The following SGCZ variants were observed in gnomAD, a reference collection of about 807,000 sequenced individuals.
SGCZ encodes zeta-sarcoglycan.
In SGCZ, 40 loss-of-function variants were observed where a neutral mutation model predicts 41.3. That is an observed-to-expected ratio of 0.97 (90% confidence interval 0.75 to 1.26). The LOEUF is 1.26. SGCZ is among the 50% of genes most tolerant of loss of function. The probability of loss-of-function intolerance (pLI) is 0.00; values close to 1 mark genes in which losing one functional copy is unlikely to be tolerated. For missense variants in SGCZ, 552 were observed against 369.8 expected, an observed-to-expected ratio of 1.49 and a Z score of -4.04; for synonymous variants, 206 against 137.5, an observed-to-expected ratio of 1.50 and a Z score of -3.49.
chr8:15,159,175 T>G (rs760198934), intron 1 of SGCZ, among the ~76,000 whole-genome samples: 1 of 152,036 alleles, frequency 6.6e-6, no homozygotes, highest in Non-Finnish European at 1.5e-5. Flanking sequence ...TCTATAAAAA[T>G]CCAAGAGCAA....
At chr8:14,290,833 T>C (rs983739588) in intron 3 of SGCZ, among the ~76,000 whole-genome samples, 5 of 152,138 alleles carry the variant, frequency 3.3e-5, no homozygotes, top group Non-Finnish European at 2.9e-5. Flanking sequence ...ACCATACCAC[T>C]ACTGCATATA....
chr8:14,758,487 C>T (rs986610048), intron 1 of SGCZ, among the ~76,000 whole-genome samples: 3 of 152,094 alleles, frequency 2.0e-5, no homozygotes, highest in African/African-American at 4.8e-5. Context: ...GACTAACATT[C>T]GAATTGGTTT....
rs568097339 is a variant in SGCZ at position 14,895,822 on chromosome 8, T to C, written c.40-340896A>G. Among the ~76,000 whole-genome samples the C allele has an allele frequency of 1.1e-4, 17 of 152,364 alleles. No individual in the cohort carries two copies. The South Asian group carries it at 3.1e-3, about 28-fold the overall frequency. The stretch of plus-strand genomic sequence containing the variant: ...AGCCTAAGAAGCTTTTTAAAATATC[T>C]AATGCTGAGCCTCACTGCTGGAGAT... On this transcript the variant is annotated intron_variant, in intron 1 of 7. Coordinates refer to ENST00000382080, the MANE Select transcript of SGCZ (RefSeq NM_139167.4).
chr8:15,084,365 C>T (rs1055858346), intron 1 of SGCZ, among the ~76,000 whole-genome samples: 1 of 152,172 alleles, frequency 6.6e-6, no homozygotes, highest in African/African-American at 2.4e-5. Flanking sequence ...CTACATGTCA[C>T]TGCTTATTCA....
At chr8:14,993,392 A>G (rs1477614047) in intron 1 of SGCZ, among the ~76,000 whole-genome samples, 3 of 152,216 alleles carry the variant, frequency 2.0e-5, no homozygotes, top group Non-Finnish European at 4.4e-5. Flanking sequence ...GCAAAATAAG[A>G]GATGAAAATC....
At chr8:14,115,585 C>T (rs1044640633) in intron 5 of SGCZ, among the ~76,000 whole-genome samples, 1 of 152,006 alleles carries the variant, frequency 6.6e-6, no homozygotes, top group Non-Finnish European at 1.5e-5. Flanking sequence ...AAGATTTGGA[C>T]ATTTTACCTA....
chr8:14,483,047 T>C (rs1801577509), intron 2 of SGCZ, among the ~76,000 whole-genome samples: 1 of 152,078 alleles, frequency 6.6e-6, no homozygotes, highest in Non-Finnish European at 1.5e-5. Context: ...TGCCCTGACA[T>C]ACAACACAAT....
chr8:14,112,543 T>A (rs545315312), intron 5 of SGCZ, among the ~76,000 whole-genome samples: 2 of 152,254 alleles, frequency 1.3e-5, no homozygotes, highest in African/African-American at 4.8e-5. Flanking sequence ...TTCAAACTTT[T>A]TGGAAGTCTT....
At chr8:14,894,597 G>C (rs1805126963) in intron 1 of SGCZ, among the ~76,000 whole-genome samples, 1 of 152,064 alleles carries the variant, frequency 6.6e-6, no homozygotes, top group Non-Finnish European at 1.5e-5. Flanking sequence ...TGAAGACACA[G>C]TTTTTCATAC....
chr8:14,994,570 G>A (rs1364003408), intron 1 of SGCZ, among the ~76,000 whole-genome samples: 1 of 148,910 alleles, frequency 6.7e-6, no homozygotes, highest in East Asian at 2.0e-4. Flanking sequence ...GGCAACAAGA[G>A]CAAAACTGTG....
intron 5 of SGCZ, among the ~76,000 whole-genome samples, chr8:14,146,205 A>C (rs1803515352): frequency 6.6e-6 from 1 of 152,204 alleles, no homozygotes. Context: ...AGCCAGAGAA[A>C]ATAAACAAAA....
chr8:14,235,893 C>A (rs1389349932), intron 4 of SGCZ, among the ~76,000 whole-genome samples: 3 of 152,166 alleles, frequency 2.0e-5, no homozygotes, highest in Non-Finnish European at 4.4e-5. Context: ...CCATGTTGGA[C>A]AGGATGATCT....
intron 2 of SGCZ, among the ~76,000 whole-genome samples, chr8:14,409,109 T>C (rs1799292135): frequency 1.3e-5 from 2 of 152,102 alleles, no homozygotes; most frequent in South Asian, 4.1e-4. Context: ...AGTGTAGGAT[T>C]ATTTAAGTTG....
chr8:15,042,119 T>A (rs1341732333), intron 1 of SGCZ, among the ~76,000 whole-genome samples: 1 of 152,196 alleles, frequency 6.6e-6, no homozygotes, highest in Non-Finnish European at 1.5e-5. Flanking sequence ...ATAAAGACAC[T>A]GTCTTTACCA....
At chr8:14,108,352 T>A in intron 5 of SGCZ, 117 bp from the exon 6 acceptor site, 1 of 842,940 alleles carries the variant, frequency 1.2e-6, no homozygotes, top group Non-Finnish European at 1.9e-6. Flanking sequence ...CAGGTACATA[T>A]GATGTATTAG....
rs893820937 is a variant in SGCZ, at chr8:14,236,650, TTCTC to T, written c.424+938_424+941del. On this transcript the variant is annotated intron_variant, in intron 4 of 7. Transcript: ENST00000382080. ...TACTTTTCTCTTTCCCTCTTTCTCA[TTCTC>T]TCTCTCTCTATATATATGTGTATGT... Among the ~76,000 whole-genome samples the T allele has an allele frequency of 5.3e-5, 8 of 151,488 alleles. No individual in the cohort carries two copies. In the East Asian group the frequency reaches 9.8e-4, roughly 19 times the overall value.
Position 14,904,399 on chromosome 8 carries a change from C to T in SGCZ, c.39+333186G>A, listed in dbSNP as rs115378718. Among the ~76,000 whole-genome samples the T allele has an allele frequency of 2.0e-3, 308 of 152,098 alleles. 1 individual carries two copies. The highest frequency in any genetic ancestry group is 6.7e-3 in the African/African-American group (280 of 41,540). On this transcript the variant is annotated intron_variant, in intron 1 of 7. Coordinates refer to ENST00000382080, the MANE Select transcript of SGCZ (RefSeq NM_139167.4). ...AGATTAGACGCAGTTCAATATAGCA[C>T]GCAAAACATCTCATTATCAAAGAAT...
In SGCZ at chr8:14,102,392, T is replaced by C; in HGVS notation, c.728A>G (p.Gln243Arg). 3.3e-6 allele frequency: 5 copies of C among 1,516,466 alleles called. No homozygotes were observed. The highest frequency in any genetic ancestry group is 4.5e-6 in the Non-Finnish European group (5 of 1,118,824). 93.9% of individuals were successfully genotyped at this position (1,516,466 alleles called of 1,614,324 possible). A position where few individuals can be genotyped will look rare whatever the true frequency, so the allele number is the denominator to read the frequency against. ...GGGACTCACCTCCCCTTCTGTAGAT[T>C]GCAGATGGAGCTCCTTCCTGCAGGT... The part of the protein sequence containing the change: ...KATCRKELHL[Q>R]STEGEIFLNA... The change falls in exon 7 of 8, where the codon CAA becomes CGA. Residue 243 changes from glutamine to arginine, a missense_variant. By Grantham distance (43) the Gln-to-Arg change is conservative. Coordinates refer to ENST00000382080, the MANE Select transcript of SGCZ (RefSeq NM_139167.4).
intron 1 of SGCZ, among the ~76,000 whole-genome samples, chr8:14,964,896 T>C (rs1801082620): frequency 6.6e-6 from 1 of 152,094 alleles, no homozygotes; most frequent in Admixed American, 6.6e-5. Flanking sequence ...CTGGACATCA[T>C]TTAGCATCTT....
Sources: allele counts gnomAD v4.1 joint callset (sites outside exome capture counted in the v4.1 genomes callset), GRCh38; gene constraint gnomAD v4.1.1; transcripts MANE v1.5; gene names NCBI Gene and HGNC (gene_info 2026-07-23, HGNC 2026-07-21).